HCRTR2: variants seen among roughly 807,000 people sequenced by gnomAD.
The protein encoded by HCRTR2 is hypocretin receptor 2, also known as orexin receptor type 2.
Under a neutral mutation model 49.0 loss-of-function variants are expected in HCRTR2, and 22 were observed. The ratio of observed to expected loss-of-function variants is 0.45; its 90% CI spans 0.32 to 0.64. The LOEUF (loss-of-function observed/expected upper bound fraction) is 0.64, where lower values mean the gene tolerates loss of function less well. Ranked by LOEUF, HCRTR2 falls within the 30% of genes least tolerant of loss-of-function variation. HCRTR2 has a pLI of 0.04. For synonymous variants in HCRTR2, 236 were observed against 205.3 expected (o/e 1.15, Z -1.28); for missense variants, 491 against 559.4 (o/e 0.88, Z 1.23).
At chr6:55,150,238 C>A (rs1252590394) in intron 1 of HCRTR2, among the ~76,000 whole-genome samples, 1 of 151,776 alleles carries the variant, frequency 6.6e-6, no homozygotes, top group Non-Finnish European at 1.5e-5. Flanking sequence ...AGTAAACACC[C>A]AGGAAGTTGT....
chr6:55,236,499 A>C (rs901194514), intron 1 of HCRTR2, among the ~76,000 whole-genome samples: 1 of 152,064 alleles, frequency 6.6e-6, no homozygotes, highest in South Asian at 2.1e-4. Flanking sequence ...ATCCTTTCCA[A>C]ACTTCATTAT....
At chr6:55,267,855 G>A (rs948051512) in intron 4 of HCRTR2, among the ~76,000 whole-genome samples, 5 of 151,910 alleles carry the variant, frequency 3.3e-5, no homozygotes, top group African/African-American at 1.2e-4. Flanking sequence ...ACAATTGCAG[G>A]GGCAGAATCA....
At position 55,207,505 on chromosome 6, in the gene HCRTR2, C is replaced by T. The variant is rs376860018; in HGVS notation, c.223+32695C>T. Among the ~76,000 whole-genome samples, 5 of 151,926 alleles carry T rather than the reference C, an allele frequency of 3.3e-5. No individual in the cohort carries two copies. The East Asian group carries it at 7.7e-4, about 23-fold the overall frequency. On this transcript the variant is annotated intron_variant, in intron 1 of 6. Transcript: ENST00000370862. Reference sequence around the variant, plus strand: ...ACCATTTGAAGTAAATCTAAAGATTCCATTAGGTTATGAGCATATAGGATA... The same window carrying T: ...ACCATTTGAAGTAAATCTAAAGATTTCATTAGGTTATGAGCATATAGGATA...
At chr6:55,188,805 G>A (rs1166156795) in intron 1 of HCRTR2, among the ~76,000 whole-genome samples, 1 of 152,142 alleles carries the variant, frequency 6.6e-6, no homozygotes, top group African/African-American at 2.4e-5. Flanking sequence ...CTAAGTCTCA[G>A]AACATTGAAA....
Position 55,228,903 on chromosome 6 carries a change from C to T in HCRTR2, c.224-19736C>T, listed in dbSNP as rs532184364. On this transcript the variant is annotated intron_variant, in intron 1 of 6. Transcript: ENST00000370862. ...CTTAACCAAAACTAGCTATTGACAA[C>T]TTTTCAGCACTTTTTTTTGGGTGAA... Among the ~76,000 whole-genome samples, 6 of 152,202 alleles carry T rather than the reference C, an allele frequency of 3.9e-5. No individual in the cohort carries two copies. The South Asian group carries it at 6.2e-4, about 16-fold the overall frequency.
chr6:55,245,754 T>G (rs916930784), intron 1 of HCRTR2, among the ~76,000 whole-genome samples: 2 of 151,746 alleles, frequency 1.3e-5, no homozygotes. Flanking sequence ...GGATTCTGAT[T>G]ATCTTTAGGC....
At chr6:55,186,942 C>T (rs1288609077) in intron 1 of HCRTR2, among the ~76,000 whole-genome samples, 1 of 152,110 alleles carries the variant, frequency 6.6e-6, no homozygotes, top group Admixed American at 6.6e-5. Flanking sequence ...AATAATAACA[C>T]TTTCAGGTGG....
chr6:55,274,239 G>GTA (rs61667408), intron 4 of HCRTR2, among the ~76,000 whole-genome samples: 2,448 of 119,508 alleles, frequency 0.02, 108 homozygotes, highest in East Asian at 0.1. Flanking sequence ...ATCATTTTCA[G>GTA]TATATATATA....
At chr6:55,213,413 G>A (rs1036941581) in intron 1 of HCRTR2, among the ~76,000 whole-genome samples, 1 of 152,212 alleles carries the variant, frequency 6.6e-6, no homozygotes, top group Middle Eastern at 3.4e-3. Flanking sequence ...TGAACTAGTT[G>A]CTGGGGAGTG....
chr6:55,211,204 C>T lies in HCRTR2; in HGVS notation c.223+36394C>T, dbSNP rs146506166. On this transcript the variant is annotated intron_variant, in intron 1 of 6. Transcript: ENST00000370862. ...GATGAAATCACCTAAGGATGCATTT[C>T]TCAGCATATATCCCAGTCATTAAGC... Among the ~76,000 whole-genome samples, 1,237 of 152,244 alleles carry T rather than the reference C, an allele frequency of 8.1e-3. 8 individuals are homozygous for T. The highest frequency in any genetic ancestry group is 0.014 in the Middle Eastern group (4 of 294).
intron 1 of HCRTR2, among the ~76,000 whole-genome samples, chr6:55,198,278 TTAAC>T (rs912964288): frequency 6.6e-6 from 1 of 152,106 alleles, no homozygotes; most frequent in African/African-American, 2.4e-5. Context: ...AAACTTATCT[TTAAC>T]TATATCTCCA....
At chr6:55,172,136 GC>G (rs1438185506), upstream of HCRTR2, among the ~76,000 whole-genome samples, 1 of 152,140 alleles carries the variant, frequency 6.6e-6, no homozygotes, top group Non-Finnish European at 1.5e-5. Context: ...TGGAGAAATG[GC>G]TAATGTTTTG....
intron 1 of HCRTR2, among the ~76,000 whole-genome samples, chr6:55,126,404 C>T (rs187048620): frequency 7.6e-4 from 116 of 152,286 alleles, no homozygotes; most frequent in African/African-American, 2.4e-3. Flanking sequence ...ACTCCTGACC[C>T]TGTTTGCCTG....
chr6:55,109,815 A>C (rs754311932), intron 1 of HCRTR2, among the ~76,000 whole-genome samples: 5 of 152,234 alleles, frequency 3.3e-5, no homozygotes, highest in Non-Finnish European at 5.9e-5. Flanking sequence ...TAATTGAGGA[A>C]AACTTCTCTG....
chr6:55,138,798 T>C (rs1365065220), intron 1 of HCRTR2, among the ~76,000 whole-genome samples: 1 of 152,252 alleles, frequency 6.6e-6, no homozygotes, highest in South Asian at 2.1e-4. Context: ...TCAACTTTGC[T>C]ATATCTCTTT....
At chr6:55,116,726 A>AAAAC (rs1764122827) in intron 1 of HCRTR2, among the ~76,000 whole-genome samples, 1 of 150,972 alleles carries the variant, frequency 6.6e-6, no homozygotes, top group African/African-American at 2.4e-5. Context: ...AAAAAAAAAA[A>AAAAC]AACTCTTATT....
intron 1 of HCRTR2, among the ~76,000 whole-genome samples, chr6:55,238,979 T>C (rs895375372): frequency 1.3e-5 from 2 of 152,142 alleles, no homozygotes; most frequent in African/African-American, 4.8e-5. Flanking sequence ...AGGACTGACT[T>C]TATGGCCCTG....
rs568616702 is a variant in HCRTR2, at chr6:55,108,202, G to T, written c.-378+1657G>T. On this transcript the variant is annotated intron_variant, in intron 1 of 7. Coordinates refer to the HCRTR2 transcript ENST00000615358. ...GCAACTTTTTTTATTGCTTCATAAG[G>T]AGATAAACTTTATACCCTTCAGATC... Among the ~76,000 whole-genome samples the T allele has an allele frequency of 3.9e-5, 6 of 152,146 alleles. No individual in the cohort carries two copies. In the South Asian group the frequency reaches 1.2e-3, roughly 32 times the overall value.
chr6:55,129,443 C>A (rs1323017743), intron 1 of HCRTR2, among the ~76,000 whole-genome samples: 2 of 152,014 alleles, frequency 1.3e-5, no homozygotes, highest in African/African-American at 4.8e-5. Flanking sequence ...ATGAAGATGG[C>A]ATGAAATCCC....
Sources: gnomAD v4.1 joint callset for allele counts (sites outside exome capture counted in the v4.1 genomes callset) on GRCh38, gnomAD v4.1.1 for gene constraint, MANE v1.5 for transcripts, NCBI Gene and HGNC (gene_info 2026-07-23, HGNC 2026-07-21) for gene names.